Variants in MORC1 observed in about 807,000 individuals in gnomAD.
MORC1 encodes MORC family CW-type zinc finger 1.
MORC1 carries 59 observed loss-of-function variants against 134.9 expected under a neutral mutation model. The observed-to-expected ratio is 0.44, with a 90% CI of 0.35 to 0.54. The LOEUF (loss-of-function observed/expected upper bound fraction) is 0.54, where lower values mean the gene tolerates loss of function less well. MORC1 is among the 20% of genes least tolerant of loss of function. MORC1 has a pLI of 0.00. For synonymous variants in MORC1, 395 were observed against 391.7 expected (o/e 1.01, Z -0.10); for missense variants, 947 against 1,134.5 (o/e 0.83, Z 2.37).
rs6437809 is a variant in MORC1, at chr3:108,971,320, A to C, written c.2550+10T>G. ...TCATTCCCTCACAGTTCCAAAAAAA[A>C]CCAGCTTACCTCACAACTTAATGCA... On this transcript the variant is annotated intron_variant, in intron 25 of 27. Coordinates refer to ENST00000232603, the MANE Select transcript of MORC1 (RefSeq NM_014429.4). The C allele has an allele frequency of 1.6e-3, 2,535 of 1,611,956 alleles. 32 individuals are homozygous for C. The African/African-American group carries it at 0.028, about 18-fold the overall frequency.
chr3:109,082,550 A>G (rs1281050833), intron 8 of MORC1, among the ~76,000 whole-genome samples: 1 of 152,170 alleles, frequency 6.6e-6, no homozygotes, highest in Non-Finnish European at 1.5e-5. Context: ...ACAAAAAAGT[A>G]ATTCAGTAAT....
chr3:109,041,800 C>T (rs557666509), intron 14 of MORC1, among the ~76,000 whole-genome samples: 2 of 152,182 alleles, frequency 1.3e-5, no homozygotes, highest in East Asian at 1.9e-4. Flanking sequence ...GAGCTGAGAT[C>T]GTGCCATTGC....
At chr3:109,038,577 C>G (rs1054745224) in intron 14 of MORC1, among the ~76,000 whole-genome samples, 3 of 152,036 alleles carry the variant, frequency 2.0e-5, no homozygotes, top group Non-Finnish European at 2.9e-5. Flanking sequence ...TTAGGTCTTA[C>G]GTTTAAGTCT....
intron 27 of MORC1, among the ~76,000 whole-genome samples, chr3:108,959,785 G>A (rs990982534): frequency 8.5e-5 from 13 of 152,196 alleles, no homozygotes; most frequent in Admixed American, 7.2e-4. Flanking sequence ...AAGTTGTTAT[G>A]ACATATTTGA....
At chr3:109,059,932 A>G (rs2107681030) in intron 11 of MORC1, 62 bp from the exon 12 acceptor site, 2 of 1,361,112 alleles carry the variant, frequency 1.5e-6, no homozygotes, top group South Asian at 2.5e-5. Context: ...AAGCAAGTTG[A>G]TATTATCCTA....
At chr3:109,088,955 A>C (rs1950666987) in intron 8 of MORC1, among the ~76,000 whole-genome samples, 1 of 152,150 alleles carries the variant, frequency 6.6e-6, no homozygotes, top group African/African-American at 2.4e-5. Context: ...TAGCAAACTA[A>C]CACAGGAACA....
At chr3:109,026,752 G>A (rs1949083823) in intron 17 of MORC1, among the ~76,000 whole-genome samples, 1 of 152,136 alleles carries the variant, frequency 6.6e-6, no homozygotes, top group Non-Finnish European at 1.5e-5. Flanking sequence ...ATGACTAAAG[G>A]CCTTAAAAAC....
chr3:109,054,068 G>A (rs1439041547), intron 14 of MORC1, among the ~76,000 whole-genome samples: 3 of 151,844 alleles, frequency 2.0e-5, no homozygotes, highest in Non-Finnish European at 4.4e-5. Flanking sequence ...TGGATCACGA[G>A]GTCAGGAGTT....
At chr3:109,079,977 G>A (rs1033160043) in intron 8 of MORC1, among the ~76,000 whole-genome samples, 2 of 152,118 alleles carry the variant, frequency 1.3e-5, no homozygotes, top group Non-Finnish European at 2.9e-5. Context: ...TTATGTGTCA[G>A]GTAGTGTCCT....
chr3:109,063,612 C>T (rs1183130717), intron 9 of MORC1, among the ~76,000 whole-genome samples: 10 of 152,148 alleles, frequency 6.6e-5, no homozygotes, highest in Admixed American at 6.5e-5. Context: ...TAAACTACTT[C>T]TCCTAGTCCC....
At chr3:108,959,216 T>C in intron 27 of MORC1, 96 bp from the exon 28 acceptor site, 1 of 1,068,802 alleles carries the variant, frequency 9.4e-7, no homozygotes, top group Admixed American at 3.2e-5. Context: ...CTATGACTCA[T>C]GCTGCAACAA....
chr3:109,029,221 T>C lies in MORC1; in HGVS notation c.1566-1332A>G, dbSNP rs528329941. On this transcript the variant is annotated intron_variant, in intron 16 of 27. Transcript: ENST00000232603. Reference sequence around the variant, plus strand: ...CACATATGGTGTTTGTTATTATCGTTATTTTCAAAGAAAGGTGTTAGGTAA... The same window carrying C: ...CACATATGGTGTTTGTTATTATCGTCATTTTCAAAGAAAGGTGTTAGGTAA... Among the ~76,000 whole-genome samples the C allele has an allele frequency of 4.6e-5, 7 of 152,372 alleles. No homozygotes were observed. In the East Asian group the frequency reaches 1.2e-3, roughly 25 times the overall value.
intron 8 of MORC1, among the ~76,000 whole-genome samples, chr3:109,081,701 C>T (rs922949550): frequency 1.3e-5 from 2 of 152,128 alleles, no homozygotes. Flanking sequence ...GATCTGCCTG[C>T]CTCGGCCTCC....
chr3:109,092,130 T>TA lies in MORC1; in HGVS notation c.689+1305dup, dbSNP rs1273157923. ...CAGCAGGAAAAGGGGAAGATAGTAA[T>TA]AGAGATGCTGAAAATTCTGGGACTC... is the stretch of plus-strand genomic sequence containing the variant. On this transcript the variant is annotated intron_variant, in intron 8 of 27. Transcript: ENST00000232603. Among the ~76,000 whole-genome samples the TA allele has an allele frequency of 3.3e-5, 5 of 152,272 alleles. No individual in the cohort carries two copies. In the East Asian group the frequency reaches 9.7e-4, roughly 29 times the overall value.
chr3:109,104,504 TACATA>T (rs1440621189), intron 3 of MORC1, among the ~76,000 whole-genome samples: 2 of 152,184 alleles, frequency 1.3e-5, no homozygotes, highest in Admixed American at 1.3e-4. Flanking sequence ...ATCATTAAAT[TACATA>T]ACATAATATT....
chr3:109,028,588 TG>T (rs1312747303), intron 16 of MORC1, among the ~76,000 whole-genome samples: 1 of 152,212 alleles, frequency 6.6e-6, no homozygotes, highest in Non-Finnish European at 1.5e-5. Flanking sequence ...AGGCTATGGA[TG>T]AGCACATTCC....
intron 3 of MORC1, chr3:109,109,827 G>A (rs1951122786): frequency 6.6e-6 from 1 of 152,454 alleles, no homozygotes; most frequent in Non-Finnish European, 1.5e-5. Context: ...GAGTTTCAGA[G>A]GAAGCCCAAC....
chr3:109,063,267 T>C (rs1559930119), intron 9 of MORC1, 36 bp from the exon 10 acceptor site: 3 of 1,354,752 alleles, frequency 2.2e-6, no homozygotes, highest in Admixed American at 1.7e-5. Context: ...TCAAGTCAGA[T>C]TATCATTTTA....
Position 109,058,741 on chromosome 3 carries a change from T to A in MORC1, c.1031+1065A>T, listed in dbSNP as rs372636546. Among the ~76,000 whole-genome samples the A allele has an allele frequency of 1.1e-4, 17 of 152,070 alleles. No homozygotes were observed. In the East Asian group the frequency reaches 1.2e-3, roughly 10 times the overall value. ...AAGGATATTCAACAAAAGTACTGAC[T>A]GTATAAGGGATACCTAAATAGGGTA... is the stretch of plus-strand genomic sequence containing the variant. On this transcript the variant is annotated intron_variant, in intron 12 of 27. Coordinates refer to ENST00000232603, the MANE Select transcript of MORC1 (RefSeq NM_014429.4).
Sources: gnomAD v4.1 joint callset for allele counts (sites outside exome capture counted in the v4.1 genomes callset) on GRCh38, gnomAD v4.1.1 for gene constraint, MANE v1.5 for transcripts, NCBI Gene and HGNC (gene_info 2026-07-23, HGNC 2026-07-21) for gene names.